Variants in PTPRG observed in about 807,000 individuals in gnomAD.
PTPRG encodes the protein receptor-type tyrosine-protein phosphatase gamma.
In PTPRG, 102 loss-of-function variants were observed where a neutral mutation model predicts 165.3. That is an observed-to-expected ratio of 0.62 (90% CI 0.53 to 0.73). PTPRG has a LOEUF of 0.73. Ranked by LOEUF, PTPRG falls within the 30% of genes least tolerant of loss-of-function variation. The pLI is 0.00. For synonymous variants in PTPRG, 675 were observed against 669.5 expected, an observed-to-expected ratio of 1.01 and a Z score of -0.13; for missense variants, 1,866 against 1,861.4, an observed-to-expected ratio of 1.00 and a Z score of -0.05.
At chr3:61,664,237 G>A (rs1310465822) in intron 1 of PTPRG, among the ~76,000 whole-genome samples, 1 of 152,130 alleles carries the variant, frequency 6.6e-6, no homozygotes, top group African/African-American at 2.4e-5. Context: ...AGTCAAGCTA[G>A]TGTCACGCCC....
chr3:62,238,548 C>T (rs1701082016), intron 14 of PTPRG, among the ~76,000 whole-genome samples: 1 of 152,140 alleles, frequency 6.6e-6, no homozygotes, highest in Non-Finnish European at 1.5e-5. Flanking sequence ...TCTCAGGAGC[C>T]ATTTTCCCTT....
intron 16 of PTPRG, chr3:62,261,805 TA>T (rs1701706907): frequency 6.6e-6 from 1 of 152,034 alleles, no homozygotes; most frequent in Non-Finnish European, 1.5e-5. Context: ...TTTGTGAATA[TA>T]AAAGACAACC....
chr3:62,201,679 GAA>G, intron 11 of PTPRG, 125 bp downstream of exon 11: 2 of 721,700 alleles, frequency 2.8e-6, no homozygotes, highest in Non-Finnish European at 4.3e-6. Context: ...TTATAGTAGA[GAA>G]AAAATTACAT....
At chr3:61,748,305 T>C (rs2033291760) in intron 1 of PTPRG, among the ~76,000 whole-genome samples, 1 of 152,188 alleles carries the variant, frequency 6.6e-6, no homozygotes, top group Admixed American at 6.5e-5. Flanking sequence ...TCTGGTTTTC[T>C]CATCTACTGC....
intron 8 of PTPRG, among the ~76,000 whole-genome samples, chr3:62,183,952 C>T (rs530541389): frequency 2.6e-5 from 4 of 152,294 alleles, no homozygotes; most frequent in Admixed American, 1.3e-4. Context: ...AGTTACGGGA[C>T]GTGTATGGGG....
intron 1 of PTPRG, among the ~76,000 whole-genome samples, chr3:61,687,463 T>C (rs1256343693): frequency 6.6e-6 from 1 of 152,250 alleles, no homozygotes; most frequent in Non-Finnish European, 1.5e-5. Flanking sequence ...ACTTTGGGGC[T>C]GTACATTAAG....
At chr3:61,937,145 T>C (rs1274718396) in intron 2 of PTPRG, among the ~76,000 whole-genome samples, 2 of 152,226 alleles carry the variant, frequency 1.3e-5, no homozygotes, top group Non-Finnish European at 2.9e-5. Context: ...GGATATTCAG[T>C]TGCTAAAGTC....
chr3:61,721,040 G>C (rs1208208663), intron 1 of PTPRG, among the ~76,000 whole-genome samples: 3 of 152,164 alleles, frequency 2.0e-5, no homozygotes, highest in Admixed American at 2.0e-4. Context: ...TGTCTTACAG[G>C]ATTATTTAAC....
chr3:62,028,008 A>G (rs1053511265), intron 4 of PTPRG, among the ~76,000 whole-genome samples: 5 of 152,186 alleles, frequency 3.3e-5, no homozygotes, highest in African/African-American at 1.2e-4. Context: ...GTTATGTGTG[A>G]ATCAGCCCAG....
chr3:61,949,199 C>G (rs1394559120), intron 2 of PTPRG, among the ~76,000 whole-genome samples: 1 of 151,958 alleles, frequency 6.6e-6, no homozygotes, highest in Non-Finnish European at 1.5e-5. Flanking sequence ...AATCAACCAA[C>G]CAAACAAAAA....
intron 2 of PTPRG, among the ~76,000 whole-genome samples, chr3:61,794,065 C>T (rs1034404266): frequency 2.0e-5 from 3 of 152,102 alleles, no homozygotes; most frequent in East Asian, 3.9e-4. Flanking sequence ...TGGAGAAAGG[C>T]GAACTTTTCT....
In PTPRG at chr3:62,030,136, T is replaced by C. The variant is rs192469025; in HGVS notation, c.519+26639T>C. ...GTATATCCAAACACAGGTTTAACTT[T>C]ATGCAGATAGGTGTTTTACATATAC... On this transcript the variant is annotated intron_variant, in intron 4 of 29. Transcript: ENST00000474889. Among the ~76,000 whole-genome samples the C allele has an allele frequency of 2.0e-3, 307 of 152,326 alleles. 2 individuals carry two copies. The highest frequency in any genetic ancestry group is 6.9e-3 in the African/African-American group (288 of 41,574).
intron 2 of PTPRG, among the ~76,000 whole-genome samples, chr3:61,846,272 C>T (rs577515234): frequency 1.3e-5 from 2 of 152,240 alleles, no homozygotes; most frequent in South Asian, 2.1e-4. Flanking sequence ...GTAATTAATT[C>T]GTACAATAGC....
At chr3:61,734,482 A>G (rs372069406) in intron 1 of PTPRG, among the ~76,000 whole-genome samples, 3 of 152,292 alleles carry the variant, frequency 2.0e-5, no homozygotes, top group African/African-American at 7.2e-5. Context: ...TGTAAGTAAT[A>G]TTTAAAGGAG....
Position 62,237,729 on chromosome 3 carries a change from T to C in PTPRG, c.2376-6078T>C, listed in dbSNP as rs757089596. Among the ~76,000 whole-genome samples the C allele has an allele frequency of 6.6e-6, 1 of 152,228 alleles. No individual in the cohort carries two copies. Among genetic ancestry groups the C allele is most frequent in the Non-Finnish European group, 1.5e-5 (1 of 68,038 alleles). ...TCCCATGTGGGCTTTTAAGAAGCCA[T>C]GCATACTTGCACATTGCTACCATCA... is the stretch of plus-strand genomic sequence containing the variant. On this transcript the variant is annotated intron_variant, in intron 14 of 29. Coordinates refer to ENST00000474889, the MANE Select transcript of PTPRG (RefSeq NM_002841.4). This position sits in a 1 kb window ranked among gnomAD's most constrained non-coding sequence, Gnocchi z 4.5.
At chr3:62,002,198 G>A (rs2041186797) in intron 3 of PTPRG, among the ~76,000 whole-genome samples, 2 of 152,288 alleles carry the variant, frequency 1.3e-5, no homozygotes, top group African/African-American at 4.8e-5. Flanking sequence ...ACTAATTGCA[G>A]TATTCTAGAA....
intron 1 of PTPRG, among the ~76,000 whole-genome samples, chr3:61,712,322 C>T (rs527345121): frequency 3.3e-5 from 5 of 150,438 alleles, no homozygotes; most frequent in East Asian, 2.0e-4. Flanking sequence ...CTTGTCACAG[C>T]GGCTTAAGAC....
chr3:61,609,530 CTT>C (rs1233911456), intron 1 of PTPRG, among the ~76,000 whole-genome samples: 1 of 152,174 alleles, frequency 6.6e-6, no homozygotes, highest in Non-Finnish European at 1.5e-5. Flanking sequence ...CTCTACATCT[CTT>C]ATCATTCCAG....
intron 2 of PTPRG, among the ~76,000 whole-genome samples, chr3:61,756,582 T>A (rs1225375538): frequency 6.6e-6 from 1 of 152,228 alleles, no homozygotes; most frequent in Non-Finnish European, 1.5e-5. Flanking sequence ...TAAACTTTCA[T>A]CCTTGGCACC....
Sources: gnomAD v4.1 joint callset for allele counts (sites outside exome capture counted in the v4.1 genomes callset) on GRCh38, gnomAD v4.1.1 for gene constraint, Gnocchi (gnomAD v3.1) non-coding constraint, MANE v1.5 for transcripts, NCBI Gene and HGNC (gene_info 2026-07-23, HGNC 2026-07-21) for gene names.